The following SRPRB variants were observed in gnomAD, a reference collection of about 807,000 sequenced individuals.
The protein encoded by SRPRB is SRP receptor subunit beta.
In SRPRB, 20 loss-of-function variants were observed where a neutral mutation model predicts 31.9. The observed-to-expected ratio is 0.63, with a 90% CI of 0.44 to 0.91. The LOEUF (loss-of-function observed/expected upper bound fraction) is 0.91, where lower values mean the gene tolerates loss of function less well. Ranked by LOEUF, SRPRB falls within the 40% of genes least tolerant of loss-of-function variation. SRPRB has a pLI of 0.00. For missense variants in SRPRB, 321 were observed against 324.9 expected, an observed-to-expected ratio of 0.99 and a Z score of 0.09; for synonymous variants, 146 against 132.8, an observed-to-expected ratio of 1.10 and a Z score of -0.68.
intron 1 of SRPRB, among the ~76,000 whole-genome samples, chr3:133,798,500 T>C (rs1935013015): frequency 6.6e-6 from 1 of 152,224 alleles, no homozygotes; most frequent in Middle Eastern, 3.2e-3. Context: ...GAATGCAGTA[T>C]TTTAATTGGA....
downstream of SRPRB, chr3:133,824,217 TAAACAC>T (rs1935519181): frequency 1.3e-5 from 2 of 152,262 alleles, no homozygotes; most frequent in African/African-American, 4.8e-5. Flanking sequence ...CTGCACCACT[TAAACAC>T]AGACAAGAAG....
chr3:133,811,181 G>A lies in SRPRB; in HGVS notation c.392G>A (p.Arg131Gln), dbSNP rs778731077. The change falls in exon 4 of 7, where the codon CGG becomes CAG. Residue 131 changes from arginine to glutamine, a missense_variant. Physicochemically the swap from Arg to Gln is conservative, Grantham distance 43. Coordinates refer to ENST00000678299, the MANE Select transcript of SRPRB (RefSeq NM_001379313.1). ...HESLRLQFLE[R>Q]FKSSARAIVF... ...AGTTTGAGGCTTCAGTTCTTAGAGCGGTTTAAGTCTTCAGCCAGGTAAGAA... is the reference window on the plus strand; with the variant it reads ...AGTTTGAGGCTTCAGTTCTTAGAGCAGTTTAAGTCTTCAGCCAGGTAAGAA... 3.7e-6 allele frequency: 6 copies of A among 1,614,048 alleles called. No individual in the cohort carries two copies. Among genetic ancestry groups the A allele is most frequent in the Non-Finnish European group, 5.1e-6 (6 of 1,180,022 alleles).
chr3:133,827,718 C>G (rs1935588088), downstream of SRPRB: 1 of 580,022 alleles, frequency 1.7e-6, no homozygotes, highest in Admixed American at 3.0e-5. Context: ...GAACATGGAT[C>G]TTTCAAGGTG....
At chr3:133,819,428 C>A in intron 6 of SRPRB, 125 bp from the exon 7 acceptor site, 1 of 647,684 alleles carries the variant, frequency 1.5e-6, no homozygotes, top group South Asian at 1.8e-5. Context: ...ATTCAACAAT[C>A]TTAATAGCAT....
chr3:133,811,652 G>A (rs1373007609), intron 4 of SRPRB, among the ~76,000 whole-genome samples: 5 of 148,348 alleles, frequency 3.4e-5, no homozygotes, highest in Non-Finnish European at 5.9e-5. Context: ...GTGTGATCTC[G>A]GCTCACTGCA....
At chr3:133,799,561 C>G (rs1935032420) in intron 1 of SRPRB, among the ~76,000 whole-genome samples, 1 of 151,978 alleles carries the variant, frequency 6.6e-6, no homozygotes, top group Non-Finnish European at 1.5e-5. Context: ...TTTTTATGTA[C>G]CATTCAACTT....
upstream of SRPRB, among the ~76,000 whole-genome samples, chr3:133,804,226 G>A (rs899347291): frequency 6.6e-6 from 1 of 152,050 alleles, no homozygotes; most frequent in African/African-American, 2.4e-5. Flanking sequence ...AAAGCGCTGG[G>A]ATTAATAGCT....
upstream of SRPRB, among the ~76,000 whole-genome samples, chr3:133,802,047 C>A (rs1472325285): frequency 6.6e-6 from 1 of 152,178 alleles, no homozygotes; most frequent in Non-Finnish European, 1.5e-5. Context: ...GGGGAGGTTA[C>A]TCAACCCTGC....
At position 133,805,820 on chromosome 3, in the gene SRPRB, T is replaced by G. The variant is rs1045474527; in HGVS notation, c.-29T>G. 6 of 1,586,966 alleles carry G rather than the reference T, an allele frequency of 3.8e-6. No homozygotes were observed. In the African/African-American group the frequency reaches 6.7e-5, roughly 18 times the overall value. On this transcript the variant is annotated 5_prime_UTR_variant, in exon 1 of 7. Transcript: ENST00000678299. Reference sequence around the variant, plus strand: ...GCAGAGTGCAGGGCCACGTCGCTTTTGCTGTACCGGGGACCACGCGTCTCA... The same window carrying G: ...GCAGAGTGCAGGGCCACGTCGCTTTGGCTGTACCGGGGACCACGCGTCTCA...
intron 3 of SRPRB, 27 bp from the exon 4 acceptor site, chr3:133,811,090 C>A (rs554256577): frequency 7.5e-6 from 12 of 1,610,706 alleles, no homozygotes; most frequent in Non-Finnish European, 1.0e-5. Context: ...TGTATTGAAA[C>A]GTTAATGTTA....
intron 1 of SRPRB, among the ~76,000 whole-genome samples, chr3:133,798,684 A>T (rs781737342): frequency 4.0e-4 from 61 of 152,172 alleles, no homozygotes; most frequent in Non-Finnish European, 6.5e-4. Context: ...AATATTCATG[A>T]TGTGTAAAAA....
Position 133,820,053 on chromosome 3 carries a change from G to A in SRPRB, c.*287G>A, listed in dbSNP as rs1175826413. The A allele has an allele frequency of 3.5e-5, 13 of 372,484 alleles. No individual in the cohort carries two copies. The Admixed American group carries it at 3.6e-4, about 10-fold the overall frequency. 23.1% of individuals were successfully genotyped at this position (372,484 alleles called of 1,614,324 possible). ...AGGGTCAAGGTTTTTGTGACAACAG[G>A]CAGACTCCACACAGAGAGGATATGA... On this transcript the variant is annotated 3_prime_UTR_variant, in exon 7 of 7. Coordinates refer to ENST00000678299, the MANE Select transcript of SRPRB (RefSeq NM_001379313.1).
chr3:133,806,089 C>T, intron 1 of SRPRB, 87 bp downstream of exon 1: 1 of 1,519,730 alleles, frequency 6.6e-7, no homozygotes, highest in Non-Finnish European at 8.9e-7. Context: ...GGACGCGGGG[C>T]TGAGAGGGCG....
At chr3:133,817,899 G>T (rs978775218) in intron 6 of SRPRB, among the ~76,000 whole-genome samples, 3 of 152,150 alleles carry the variant, frequency 2.0e-5, no homozygotes, top group Admixed American at 2.0e-4. Context: ...GCAAACTCCT[G>T]CCTGGGCCTG....
chr3:133,817,741 G>C (rs1401049733), intron 6 of SRPRB, among the ~76,000 whole-genome samples: 1 of 152,146 alleles, frequency 6.6e-6, no homozygotes, highest in Non-Finnish European at 1.5e-5. Context: ...TCCCCACTAT[G>C]ACTTACTGAC....
chr3:133,816,805 C>T, intron 5 of SRPRB, 73 bp from the exon 6 acceptor site: 3 of 1,211,132 alleles, frequency 2.5e-6, no homozygotes, highest in Non-Finnish European at 3.5e-6. Flanking sequence ...AGGAATTTTC[C>T]TTCTGTGTAA....
chr3:133,815,177 C>T (rs988259344), intron 4 of SRPRB, among the ~76,000 whole-genome samples: 3 of 152,206 alleles, frequency 2.0e-5, no homozygotes, highest in African/African-American at 4.8e-5. Flanking sequence ...TTCCAGACAG[C>T]CTGTGCCCCA....
intron 1 of SRPRB, among the ~76,000 whole-genome samples, chr3:133,797,051 G>A (rs113793543): frequency 1.2e-3 from 190 of 152,110 alleles, no homozygotes; most frequent in African/African-American, 4.4e-3. Flanking sequence ...ACATAGCTTT[G>A]GAATTTTGAA....
chr3:133,808,084 T>C (rs537067543), intron 3 of SRPRB, among the ~76,000 whole-genome samples: 2 of 152,376 alleles, frequency 1.3e-5, no homozygotes, highest in African/African-American at 4.8e-5. Context: ...TGTGTCTTCT[T>C]TCCAACTTTA....
Sources: allele counts gnomAD v4.1 joint callset (sites outside exome capture counted in the v4.1 genomes callset), GRCh38; gene constraint gnomAD v4.1.1; transcripts MANE v1.5; gene names NCBI Gene and HGNC (gene_info 2026-07-23, HGNC 2026-07-21).